Variants in ALKBH5 observed in about 807,000 individuals in gnomAD.
ALKBH5 encodes RNA demethylase ALKBH5.
ALKBH5 carries 2 observed loss-of-function variants against 32.1 expected under a neutral mutation model. That is an observed-to-expected ratio of 0.06 (90% CI 0.03 to 0.20). The LOEUF is 0.20. Among genes scored for constraint, ALKBH5 ranks in the 10% least tolerant of loss-of-function variants. The probability of loss-of-function intolerance (pLI) is 1.00; values close to 1 mark genes in which losing one functional copy is unlikely to be tolerated. For missense variants in ALKBH5, 352 were observed against 559.5 expected (o/e 0.63, Z 3.74); for synonymous variants, 300 against 231.7 (o/e 1.29, Z -2.68).
intron 2 of ALKBH5, among the ~76,000 whole-genome samples, chr17:18,205,153 C>T (rs12603166): frequency 6.6e-6 from 1 of 152,220 alleles, no homozygotes; most frequent in South Asian, 2.1e-4. Flanking sequence ...AAGGAGGCAA[C>T]TTGCCTTCGA....
intron 1 of ALKBH5, among the ~76,000 whole-genome samples, chr17:18,187,609 G>A (rs2047147219): frequency 1.3e-5 from 2 of 152,110 alleles, no homozygotes; most frequent in Admixed American, 1.3e-4. Context: ...ACTGCTCTAG[G>A]GTCTGGACCC....
Position 18,195,050 on chromosome 17 carries a change from G to A in ALKBH5, c.851+15G>A. ...ATCCTCAGGAAGTAAGTGCCTTGAT[G>A]TCTGACCTTCTGCCTCACCTGCAGG... On this transcript the variant is annotated intron_variant, in intron 2 of 3. Transcript: ENST00000399138. The A allele has an allele frequency of 6.2e-7, 1 of 1,610,570 alleles. No individual in the cohort carries two copies. Among genetic ancestry groups the A allele is most frequent in the African/African-American group, 1.3e-5 (1 of 75,002 alleles).
chr17:18,208,551 T>C lies in ALKBH5; in HGVS notation c.*155T>C. 1 of 915,376 alleles carries C rather than the reference T, an allele frequency of 1.1e-6. No individual in the cohort carries two copies. The highest frequency in any genetic ancestry group is 1.7e-6 in the Non-Finnish European group (1 of 585,836). 56.7% of individuals were successfully genotyped at this position (915,376 alleles called of 1,614,324 possible). On this transcript the variant is annotated 3_prime_UTR_variant, in exon 4 of 4. Coordinates refer to ENST00000399138, the MANE Select transcript of ALKBH5 (RefSeq NM_017758.4). ...TATTTTTCCTTGGTTTTGTTGCCTGTTAGGGCTGAAGAATAGAATTGGCCA... is the reference window on the plus strand; with the variant it reads ...TATTTTTCCTTGGTTTTGTTGCCTGCTAGGGCTGAAGAATAGAATTGGCCA...
intron 2 of ALKBH5, among the ~76,000 whole-genome samples, chr17:18,204,717 C>T (rs2047259847): frequency 6.6e-6 from 1 of 151,960 alleles, no homozygotes; most frequent in Admixed American, 6.6e-5. Flanking sequence ...CACTGCACTC[C>T]AGCCTGGGCG....
chr17:18,190,527 C>T (rs1238365980), intron 1 of ALKBH5, among the ~76,000 whole-genome samples: 1 of 135,120 alleles, frequency 7.4e-6, no homozygotes, highest in Non-Finnish European at 1.5e-5. Context: ...CCAGCCTAGG[C>T]AACAGAGTGG....
chr17:18,192,854 CTTTTTTTT>C lies in ALKBH5; in HGVS notation c.771-2085_771-2078del, dbSNP rs201150139. 7.8e-3 allele frequency among the ~76,000 whole-genome samples: 905 copies of C among 115,580 alleles called. 4 individuals carry two copies. Among genetic ancestry groups the C allele is most frequent in the Middle Eastern group, 0.012 (2 of 170 alleles). The allele number at this position is 115,580 out of a possible 152,430, so 75.8% of individuals were successfully genotyped here. ...GTAGACATTCGTCCACTGTCTTTTTCTTTTTTTTTTTTTTTTTTTTTTTGAGACGGAGT... is the reference window on the plus strand; with the variant it reads ...GTAGACATTCGTCCACTGTCTTTTTCTTTTTTTTTTTTTTTGAGACGGAGT... On this transcript the variant is annotated intron_variant, in intron 1 of 3. Transcript: ENST00000399138.
At chr17:18,202,805 A>G (rs1567677011) in intron 2 of ALKBH5, among the ~76,000 whole-genome samples, 1 of 151,746 alleles carries the variant, frequency 6.6e-6, no homozygotes, top group Non-Finnish European at 1.5e-5. Flanking sequence ...GCCGGGCACG[A>G]TGGCTCACGC....
intron 1 of ALKBH5, among the ~76,000 whole-genome samples, chr17:18,193,647 G>A (rs1411285103): frequency 6.6e-6 from 1 of 152,220 alleles, no homozygotes; most frequent in African/African-American, 2.4e-5. Context: ...TGAGCCTGAA[G>A]CAGTCTGGCT....
intron 1 of ALKBH5, among the ~76,000 whole-genome samples, chr17:18,192,159 T>A (rs1480201462): frequency 6.6e-6 from 1 of 152,150 alleles, no homozygotes; most frequent in Admixed American, 6.5e-5. Flanking sequence ...CCAGACCATG[T>A]CTCTTTGGCA....
At chr17:18,185,870 C>T (rs994799666) in intron 1 of ALKBH5, among the ~76,000 whole-genome samples, 2 of 152,164 alleles carry the variant, frequency 1.3e-5, no homozygotes, top group Non-Finnish European at 2.9e-5. Flanking sequence ...TCCTTCCAGT[C>T]CTGAAAAAGG....
At chr17:18,185,635 T>C (rs2047134765) in intron 1 of ALKBH5, among the ~76,000 whole-genome samples, 1 of 152,214 alleles carries the variant, frequency 6.6e-6, no homozygotes, top group Admixed American at 6.5e-5. Context: ...ATCAGTTCTT[T>C]GTAAGAACGT....
At chr17:18,208,099 C>A (rs1331869787) in intron 3 of ALKBH5, 120 bp from the exon 4 acceptor site, 12 of 1,077,406 alleles carry the variant, frequency 1.1e-5, no homozygotes, top group Non-Finnish European at 4.0e-6. Flanking sequence ...CCAGGACTAC[C>A]CTTCGTTGAG....
Position 18,194,986 on chromosome 17 carries a change from A to G in ALKBH5, c.802A>G (p.Ile268Val), listed in dbSNP as rs777475340. 1.2e-6 allele frequency: 2 copies of G among 1,613,816 alleles called. No individual in the cohort carries two copies. The highest frequency in any genetic ancestry group is 2.7e-5 in the African/African-American group (2 of 74,890). ...TGCTGCTGATGAAATCACTCACTGC[A>G]TACGGCCTCAGGACATCAAGGAGCG... ...GYAADEITHC[I>V]RPQDIKERRA... is the part of the protein sequence containing the mutation. Residue 268 changes from isoleucine (I) to valine (V), a missense_variant, in exon 2 of 4, where the codon ATA (isoleucine) becomes GTA (valine). Ile to Val is a conservative substitution (Grantham distance 29, BLOSUM62 3). This residue lies in a region of ALKBH5 where 56 missense variants were observed against 238.1 expected (regional missense o/e 0.24). Coordinates refer to ENST00000399138, the MANE Select transcript of ALKBH5 (RefSeq NM_017758.4).
At chr17:18,206,038 G>A (rs1241145305) in intron 2 of ALKBH5, among the ~76,000 whole-genome samples, 1 of 152,108 alleles carries the variant, frequency 6.6e-6, no homozygotes, top group Non-Finnish European at 1.5e-5. Flanking sequence ...GGTTTTCCAT[G>A]CCAGCTCCCT....
rs758317032 is a variant in ALKBH5 at position 18,201,787 on chromosome 17, GA to G, written c.852-5027del. Reference sequence around the variant, plus strand: ...GATAGATAGATAGATAGATAGATAGGATAGATAAGATAGATAGATAGATAGA... The same window carrying G: ...GATAGATAGATAGATAGATAGATAGGTAGATAAGATAGATAGATAGATAGA... On this transcript the variant is annotated intron_variant, in intron 2 of 3. Coordinates refer to ENST00000399138, the MANE Select transcript of ALKBH5 (RefSeq NM_017758.4). 7.2e-3 allele frequency among the ~76,000 whole-genome samples: 424 copies of G among 59,296 alleles called. 5 individuals are homozygous for G. Among genetic ancestry groups the G allele is most frequent in the Middle Eastern group, 0.036 (4 of 110 alleles). The allele number at this position is 59,296 out of a possible 152,430, so 38.9% of individuals were successfully genotyped here.
intron 2 of ALKBH5, among the ~76,000 whole-genome samples, chr17:18,204,003 C>T (rs1457442315): frequency 1.3e-5 from 2 of 152,158 alleles, no homozygotes; most frequent in Non-Finnish European, 2.9e-5. Context: ...GGCTCCCTGG[C>T]ACCTATAGAG....
At chr17:18,204,454 A>G (rs2047258387) in intron 2 of ALKBH5, among the ~76,000 whole-genome samples, 2 of 149,968 alleles carry the variant, frequency 1.3e-5, no homozygotes, top group African/African-American at 4.9e-5. Context: ...TCTCTTAAAA[A>G]AAAAAAAAAA....
At chr17:18,199,399 T>C (rs2047223218) in intron 2 of ALKBH5, among the ~76,000 whole-genome samples, 1 of 152,214 alleles carries the variant, frequency 6.6e-6, no homozygotes, top group Non-Finnish European at 1.5e-5. Context: ...GTATAATAAT[T>C]CATCTGTGAG....
At chr17:18,200,002 C>A (rs1190447099) in intron 2 of ALKBH5, among the ~76,000 whole-genome samples, 1 of 150,302 alleles carries the variant, frequency 6.7e-6, no homozygotes, top group African/African-American at 2.5e-5. Context: ...GAGGCTGAGG[C>A]AGGACAACTG....
Sources: gnomAD v4.1 joint callset for allele counts (sites outside exome capture counted in the v4.1 genomes callset) on GRCh38, gnomAD v4.1.1 for gene constraint, gnomAD v4.1.1 regional missense constraint, MANE v1.5 for transcripts, NCBI Gene and HGNC (gene_info 2026-07-23, HGNC 2026-07-21) for gene names.